Variants in RTN4 observed in about 807,000 individuals in gnomAD.
RTN4 encodes the protein reticulon 4, also known as reticulon-4.
Under a neutral mutation model 90.4 loss-of-function variants are expected in RTN4, and 32 were observed. The ratio of observed to expected loss-of-function variants is 0.35; its 90% confidence interval spans 0.27 to 0.48. The LOEUF (loss-of-function observed/expected upper bound fraction) is 0.48. RTN4 is among the 20% of genes least tolerant of loss of function. The pLI is 0.99. For missense variants in RTN4, 1,706 were observed against 1,430.2 expected (o/e 1.19, Z -3.11); for synonymous variants, 629 against 552.5 (o/e 1.14, Z -1.94).
intron 3 of RTN4, among the ~76,000 whole-genome samples, chr2:55,012,337 A>T (rs974618004): frequency 2.0e-5 from 3 of 152,192 alleles, no homozygotes; most frequent in African/African-American, 7.2e-5. Flanking sequence ...AGGAGCCCTG[A>T]AGTTTAGTAA....
chr2:55,008,006 A>G (rs1441585284), intron 3 of RTN4, among the ~76,000 whole-genome samples: 2 of 152,136 alleles, frequency 1.3e-5, no homozygotes, highest in Non-Finnish European at 2.9e-5. Flanking sequence ...TAACCCCAGT[A>G]ATCGAATACT....
chr2:55,063,032 T>C (rs560956894), intron 2 of RTN4, among the ~76,000 whole-genome samples: 11 of 152,338 alleles, frequency 7.2e-5, no homozygotes, highest in East Asian at 1.9e-4. Flanking sequence ...GGAAGAAGCC[T>C]AGGTCTCTTA....
chr2:55,010,602 A>C (rs576584359), intron 3 of RTN4, among the ~76,000 whole-genome samples: 1 of 152,280 alleles, frequency 6.6e-6, no homozygotes, highest in African/African-American at 2.4e-5. Context: ...ATTAATGGTT[A>C]CCTAATAAGA....
At chr2:55,028,310 G>T in intron 1 of RTN4, 90 bp from the exon 2 acceptor site, 1 of 1,164,086 alleles carries the variant, frequency 8.6e-7, no homozygotes, top group Non-Finnish European at 1.2e-6. Flanking sequence ...GGTTCAGTTT[G>T]TAATAAGTTA....
rs529692763 is a variant in RTN4, at chr2:55,089,331, T to C, written c.-213-8692A>G. Among the ~76,000 whole-genome samples the C allele has an allele frequency of 3.3e-5, 5 of 152,302 alleles. No individual in the cohort carries two copies. In the East Asian group the frequency reaches 9.6e-4, roughly 29 times the overall value. On this transcript the variant is annotated intron_variant, in intron 1 of 3. Coordinates refer to the RTN4 transcript ENST00000427710. ...TGAATGCTAAAAATCAGTACAAGTA[T>C]AGCCAATGTGGTAGCAAGATTCCTC...
At chr2:55,108,316 A>T (rs1407407361) in intron 1 of RTN4, among the ~76,000 whole-genome samples, 1 of 151,976 alleles carries the variant, frequency 6.6e-6, no homozygotes, top group Non-Finnish European at 1.5e-5. Context: ...GCATTTTTTT[A>T]AAAATTGCCC....
At chr2:55,006,082 T>C (rs888644698) in intron 3 of RTN4, among the ~76,000 whole-genome samples, 2 of 152,152 alleles carry the variant, frequency 1.3e-5, no homozygotes, top group Non-Finnish European at 2.9e-5. Context: ...AAATACTTAA[T>C]GGAGGAAAAA....
At chr2:55,089,271 T>A (rs1298306205) in intron 1 of RTN4, among the ~76,000 whole-genome samples, 1 of 152,162 alleles carries the variant, frequency 6.6e-6, no homozygotes, top group Non-Finnish European at 1.5e-5. Context: ...GGCTGAACCC[T>A]AGCATGTAAT....
At chr2:55,076,578 T>A (rs1668604442) in intron 2 of RTN4, among the ~76,000 whole-genome samples, 4 of 151,950 alleles carry the variant, frequency 2.6e-5, no homozygotes, top group Admixed American at 2.6e-4. Context: ...TTTTGTATTT[T>A]TAGTACAGAC....
At chr2:55,022,498 C>T (rs956549851) in intron 3 of RTN4, among the ~76,000 whole-genome samples, 1 of 152,138 alleles carries the variant, frequency 6.6e-6, no homozygotes, top group Non-Finnish European at 1.5e-5. Flanking sequence ...TCATATTCTA[C>T]ACACCTAAGG....
chr2:55,073,129 A>G (rs1668544279), intron 2 of RTN4, among the ~76,000 whole-genome samples: 1 of 152,254 alleles, frequency 6.6e-6, no homozygotes. Flanking sequence ...TGTACCTACT[A>G]TACAACAGCA....
intron 2 of RTN4, among the ~76,000 whole-genome samples, chr2:55,079,611 A>C (rs1299717329): frequency 6.6e-6 from 1 of 152,182 alleles, no homozygotes; most frequent in East Asian, 1.9e-4. Context: ...TCCATCTTTT[A>C]ATGTTGTCAG....
intron 3 of RTN4, among the ~76,000 whole-genome samples, chr2:55,001,395 G>A (rs1679842116): frequency 6.6e-6 from 1 of 152,160 alleles, no homozygotes; most frequent in African/African-American, 2.4e-5. Flanking sequence ...AACACTATTT[G>A]AGGAGTACAA....
At chr2:55,064,950 T>C (rs1180582372) in intron 2 of RTN4, among the ~76,000 whole-genome samples, 1 of 152,236 alleles carries the variant, frequency 6.6e-6, no homozygotes, top group Non-Finnish European at 1.5e-5. Flanking sequence ...TATAAATTAA[T>C]AGCTTTAATT....
chr2:55,022,927 ACACC>A (rs895676006), intron 3 of RTN4, among the ~76,000 whole-genome samples: 3 of 151,176 alleles, frequency 2.0e-5, no homozygotes, highest in African/African-American at 7.3e-5. Flanking sequence ...ACACACACAC[ACACC>A]CTGCTCTCCC....
chr2:55,101,591 A>T (rs1667853119), intron 1 of RTN4, among the ~76,000 whole-genome samples: 1 of 152,096 alleles, frequency 6.6e-6, no homozygotes, highest in South Asian at 2.1e-4. Context: ...TCAACAAACC[A>T]CTTTCATTCA....
At chr2:55,096,392 T>C (rs1669035465) in intron 1 of RTN4, among the ~76,000 whole-genome samples, 1 of 152,158 alleles carries the variant, frequency 6.6e-6, no homozygotes, top group Non-Finnish European at 1.5e-5. Context: ...CTTGATCTCT[T>C]GGCTGAGCTT....
At chr2:55,046,598 G>C (rs1034533573) in intron 1 of RTN4, among the ~76,000 whole-genome samples, 10 of 152,012 alleles carry the variant, frequency 6.6e-5, no homozygotes, top group East Asian at 5.8e-4. Context: ...CACTATTCTG[G>C]GTTCTTTATT....
chr2:54,975,235 T>C (rs920124052), intron 5 of RTN4, among the ~76,000 whole-genome samples: 2 of 152,230 alleles, frequency 1.3e-5, no homozygotes, highest in Non-Finnish European at 2.9e-5. Flanking sequence ...AAATTACGTT[T>C]CAGGTACCAA....
Sources: gnomAD v4.1 joint callset for allele counts (sites outside exome capture counted in the v4.1 genomes callset) on GRCh38, gnomAD v4.1.1 for gene constraint, MANE v1.5 for transcripts, NCBI Gene and HGNC (gene_info 2026-07-23, HGNC 2026-07-21) for gene names.